The following EHBP1 variants were observed in gnomAD, a reference collection of about 807,000 sequenced individuals.
EHBP1 encodes EH domain binding protein 1.
EHBP1 carries 55 observed loss-of-function variants against 144.0 expected under a neutral mutation model. The ratio of observed to expected loss-of-function variants is 0.38; its 90% CI spans 0.31 to 0.48. The LOEUF is 0.48. EHBP1 is among the 20% of genes least tolerant of loss of function. The pLI is 0.98. For synonymous variants in EHBP1, 469 were observed against 472.7 expected (o/e 0.99, Z 0.10); for missense variants, 1,200 against 1,364.2 (o/e 0.88, Z 1.90).
At chr2:62,963,373 C>G (rs527561337) in intron 14 of EHBP1, among the ~76,000 whole-genome samples, 4 of 152,226 alleles carry the variant, frequency 2.6e-5, no homozygotes, top group African/African-American at 9.6e-5. Flanking sequence ...TAGATCTTCT[C>G]CAAATAATAA....
At chr2:62,676,061 G>T (rs1333722716) in intron 1 of EHBP1, among the ~76,000 whole-genome samples, 1 of 152,062 alleles carries the variant, frequency 6.6e-6, no homozygotes, top group Non-Finnish European at 1.5e-5. Flanking sequence ...CGACCTCGTG[G>T]TTATTAAGAA....
chr2:62,843,744 T>G (rs752269957), intron 7 of EHBP1, among the ~76,000 whole-genome samples: 1 of 152,194 alleles, frequency 6.6e-6, no homozygotes, highest in Non-Finnish European at 1.5e-5. Flanking sequence ...TGAAGTAGTT[T>G]TAGCAAATAA....
intron 10 of EHBP1, among the ~76,000 whole-genome samples, chr2:62,891,235 A>G (rs994850717): frequency 1.3e-5 from 2 of 152,142 alleles, no homozygotes; most frequent in Non-Finnish European, 2.9e-5. Context: ...AGAAATTATA[A>G]CAGAATATAA....
At chr2:62,792,132 G>C (rs2152456586) in intron 5 of EHBP1, among the ~76,000 whole-genome samples, 1 of 152,110 alleles carries the variant, frequency 6.6e-6, no homozygotes, top group Non-Finnish European at 1.5e-5. Flanking sequence ...AGTTATTTCA[G>C]ACCTCTGCAT....
chr2:62,737,149 A>G (rs1476501200), intron 2 of EHBP1, among the ~76,000 whole-genome samples: 1 of 152,200 alleles, frequency 6.6e-6, no homozygotes, highest in Non-Finnish European at 1.5e-5. Context: ...TTAGGCTCTG[A>G]CAAAACCCCA....
intron 3 of EHBP1, among the ~76,000 whole-genome samples, chr2:62,756,636 G>A (rs2040307419): frequency 6.6e-6 from 1 of 152,200 alleles, no homozygotes; most frequent in East Asian, 1.9e-4. Context: ...GGAAGTGGTG[G>A]CACATGCTTG....
At chr2:62,796,930 C>T (rs2043579201) in intron 5 of EHBP1, among the ~76,000 whole-genome samples, 1 of 151,822 alleles carries the variant, frequency 6.6e-6, no homozygotes, top group Non-Finnish European at 1.5e-5. Context: ...GAAACACACA[C>T]ACATATACAC....
At chr2:62,840,184 G>A (rs1385434928) in intron 7 of EHBP1, among the ~76,000 whole-genome samples, 4 of 149,602 alleles carry the variant, frequency 2.7e-5, no homozygotes, top group East Asian at 2.0e-4. Context: ...AAATAACGCC[G>A]CATACCTACA....
At position 62,835,542 on chromosome 2, in the gene EHBP1, G is replaced by A. The variant is rs573832568; in HGVS notation, c.634+4384G>A. On this transcript the variant is annotated intron_variant, in intron 7 of 22. Transcript: ENST00000431489. ...GTCTACAGCTCCCAGCGTGAGCGAC[G>A]CAGAAGACGGGTGATTTCTGCATTT... Among the ~76,000 whole-genome samples the A allele has an allele frequency of 1.5e-4, 23 of 152,292 alleles. No individual in the cohort carries two copies. In the South Asian group the frequency reaches 3.5e-3, roughly 23 times the overall value.
At chr2:62,888,716 G>T (rs1325557717) in intron 10 of EHBP1, among the ~76,000 whole-genome samples, 1 of 152,182 alleles carries the variant, frequency 6.6e-6, no homozygotes, top group Non-Finnish European at 1.5e-5. Flanking sequence ...TATTGGCAGG[G>T]CTACTTTAGG....
Position 62,948,317 on chromosome 2 carries a change from G to C in EHBP1, c.1471G>C (p.Val491Leu). 1.2e-6 allele frequency: 2 copies of C among 1,608,452 alleles called. No homozygotes were observed. Among genetic ancestry groups the C allele is most frequent in the Non-Finnish European group, 1.7e-6 (2 of 1,177,750 alleles). ...CCGATTATTGGAACCTTCTGATATG[G>C]TATTATTAGCAATTCCTGATAAACT... ...ISRLLEPSDM[V>L]LLAIPDKLTV... Residue 491 changes from valine to leucine, a missense_variant, in exon 13 of 23, where the codon GTA (valine) becomes CTA (leucine). Physicochemically the swap from Val to Leu is conservative, Grantham distance 32. Coordinates refer to ENST00000431489, the MANE Select transcript of EHBP1 (RefSeq NM_001142616.3).
At chr2:62,871,816 C>T (rs967841871) in intron 9 of EHBP1, among the ~76,000 whole-genome samples, 13 of 152,180 alleles carry the variant, frequency 8.5e-5, no homozygotes, top group African/African-American at 2.7e-4. Context: ...CCTTTTAGGA[C>T]GTGTCCTTTA....
At chr2:62,920,319 A>G (rs981077850) in intron 10 of EHBP1, among the ~76,000 whole-genome samples, 1 of 152,196 alleles carries the variant, frequency 6.6e-6, no homozygotes, top group African/African-American at 2.4e-5. Flanking sequence ...CTGATATGAT[A>G]TATTCAAACT....
intron 19 of EHBP1, among the ~76,000 whole-genome samples, chr2:63,015,077 C>T (rs1252974468): frequency 6.6e-6 from 1 of 152,052 alleles, no homozygotes; most frequent in East Asian, 1.9e-4. Context: ...TAACTCTTTC[C>T]GAATTTTATA....
intron 19 of EHBP1, among the ~76,000 whole-genome samples, chr2:63,031,825 A>G (rs2061260519): frequency 6.6e-6 from 1 of 152,108 alleles, no homozygotes; most frequent in Non-Finnish European, 1.5e-5. Flanking sequence ...GCAACACGAG[A>G]GGCTGAGGCC....
chr2:62,877,168 CA>C (rs1440902270), intron 10 of EHBP1, among the ~76,000 whole-genome samples: 2 of 152,096 alleles, frequency 1.3e-5, no homozygotes, highest in East Asian at 3.9e-4. Flanking sequence ...AAAAATCTAC[CA>C]AGCAAACAGA....
At chr2:62,756,768 CAAA>C (rs34717027) in intron 3 of EHBP1, among the ~76,000 whole-genome samples, 11 of 76,648 alleles carry the variant, frequency 1.4e-4, no homozygotes, top group African/African-American at 2.0e-4. Context: ...AACTCTATCT[CAAA>C]AAAAAAAAAA....
intron 5 of EHBP1, among the ~76,000 whole-genome samples, chr2:62,798,344 G>A (rs1001985297): frequency 6.6e-6 from 1 of 151,974 alleles, no homozygotes; most frequent in African/African-American, 2.4e-5. Context: ...CTCCAGCCTG[G>A]GTGACAGAGT....
chr2:62,864,929 T>C lies in EHBP1; in HGVS notation c.956T>C (p.Leu319Pro). 1 of 1,613,806 alleles carries C rather than the reference T, an allele frequency of 6.2e-7. No individual in the cohort carries two copies. The highest frequency in any genetic ancestry group is 2.2e-5 in the East Asian group (1 of 44,836). The change falls in exon 9 of 23, where the codon CTC becomes CCC. Residue 319 changes from leucine to proline, a missense_variant. Leu to Pro is a moderately conservative substitution (Grantham distance 98). Coordinates refer to ENST00000431489, the MANE Select transcript of EHBP1 (RefSeq NM_001142616.3). The part of the protein sequence containing the change: ...NIRPVDMSKY[L>P]YADSSKTEEE... ...AGACCTGTGGATATGAGCAAGTACC[T>C]CTATGCTGATAGTTCTAAAACTGAA...
Sources: allele counts gnomAD v4.1 joint callset (sites outside exome capture counted in the v4.1 genomes callset), GRCh38; gene constraint gnomAD v4.1.1; transcripts MANE v1.5; gene names NCBI Gene and HGNC (gene_info 2026-07-23, HGNC 2026-07-21).